The following AUTS2 variants were observed in gnomAD, a reference collection of about 807,000 sequenced individuals.
AUTS2 encodes autism susceptibility gene 2 protein.
A neutral mutation model predicts 112.4 loss-of-function variants in AUTS2; 17 were observed. The ratio of observed to expected loss-of-function variants is 0.15; its 90% confidence interval spans 0.10 to 0.23. The LOEUF (loss-of-function observed/expected upper bound fraction) is 0.23. AUTS2 is among the 10% of genes least tolerant of loss of function. AUTS2 has a pLI of 1.00. For missense variants in AUTS2, 1,510 were observed against 1,701.6 expected (o/e 0.89, Z 1.98); for synonymous variants, 751 against 702.7 (o/e 1.07, Z -1.09).
At chr7:70,067,758 C>T (rs1430221462) in intron 2 of AUTS2, among the ~76,000 whole-genome samples, 1 of 151,740 alleles carries the variant, frequency 6.6e-6, no homozygotes, top group South Asian at 2.1e-4. Context: ...AGGACTAAGG[C>T]AGGAGGATCA....
At chr7:70,779,460 G>T (rs1372317094) in intron 14 of AUTS2, among the ~76,000 whole-genome samples, 1 of 152,214 alleles carries the variant, frequency 6.6e-6, no homozygotes, top group Non-Finnish European at 1.5e-5. Context: ...GAAAGTGTGT[G>T]TGCCCTCTTA....
At chr7:70,391,122 G>A (rs1212723414) in intron 4 of AUTS2, among the ~76,000 whole-genome samples, 1 of 152,188 alleles carries the variant, frequency 6.6e-6, no homozygotes, top group East Asian at 1.9e-4. Context: ...CTGAATCTCT[G>A]GGGGTGAGGC....
At chr7:70,398,486 T>A (rs6965900) in intron 4 of AUTS2, among the ~76,000 whole-genome samples, 2 of 152,080 alleles carry the variant, frequency 1.3e-5, no homozygotes, top group African/African-American at 4.8e-5. Context: ...GTTTTTTATA[T>A]TTTTTGATGT....
chr7:70,007,199 T>C (rs73158396), intron 2 of AUTS2, among the ~76,000 whole-genome samples: 439 of 152,330 alleles, frequency 2.9e-3, no homozygotes, highest in Non-Finnish European at 4.9e-3. Context: ...TTAAGTTTTA[T>C]TACCTTTATT....
chr7:69,898,393 A>G (rs1162854505), intron 1 of AUTS2, among the ~76,000 whole-genome samples: 1 of 152,092 alleles, frequency 6.6e-6, no homozygotes, highest in Non-Finnish European at 1.5e-5. Flanking sequence ...ATTTGCATGT[A>G]TGTGGTTTGT....
At chr7:69,632,871 A>G (rs1009671252) in intron 1 of AUTS2, among the ~76,000 whole-genome samples, 3 of 152,110 alleles carry the variant, frequency 2.0e-5, no homozygotes, top group Non-Finnish European at 4.4e-5. Flanking sequence ...AATAAGTTTC[A>G]TTGTGTATTT....
intron 5 of AUTS2, among the ~76,000 whole-genome samples, chr7:70,641,087 T>C (rs1171562565): frequency 6.6e-6 from 1 of 152,036 alleles, no homozygotes; most frequent in Non-Finnish European, 1.5e-5. Context: ...GCTCCAGCCA[T>C]GCTGGTCCAT....
intron 4 of AUTS2, among the ~76,000 whole-genome samples, chr7:70,320,140 T>G (rs550262601): frequency 7.2e-5 from 11 of 152,346 alleles, no homozygotes; most frequent in South Asian, 4.1e-4. Context: ...ATATATGCAG[T>G]TAGTTAGAAA....
intron 6 of AUTS2, among the ~76,000 whole-genome samples, chr7:70,706,967 C>T (rs188265093): frequency 2.0e-5 from 3 of 152,304 alleles, no homozygotes; most frequent in East Asian, 1.9e-4. Context: ...GCTTTGAAGA[C>T]GCTTACTAGC....
intron 15 of AUTS2, chr7:70,783,564 C>T (rs1269770685): frequency 6.6e-6 from 1 of 152,212 alleles, no homozygotes; most frequent in Non-Finnish European, 1.5e-5. Flanking sequence ...GATTATGGAA[C>T]AGTTTTTAGT....
intron 4 of AUTS2, among the ~76,000 whole-genome samples, chr7:70,310,302 C>G (rs1424477129): frequency 6.6e-6 from 1 of 151,942 alleles, no homozygotes. Flanking sequence ...GTCTCTGCAC[C>G]TGTTCACTAA....
intron 4 of AUTS2, among the ~76,000 whole-genome samples, chr7:70,311,740 G>A (rs1011360788): frequency 2.0e-5 from 3 of 151,350 alleles, no homozygotes; most frequent in Non-Finnish European, 4.4e-5. Context: ...TTTTTGAGAC[G>A]GAGTCTCGCT....
chr7:69,751,558 G>A (rs1176943826), intron 1 of AUTS2, among the ~76,000 whole-genome samples: 2 of 152,154 alleles, frequency 1.3e-5, no homozygotes, highest in Admixed American at 6.5e-5. Context: ...GGTAAGAAGG[G>A]TAGATGAAAG....
intron 1 of AUTS2, among the ~76,000 whole-genome samples, chr7:69,878,649 C>G (rs1369144316): frequency 6.6e-6 from 1 of 152,226 alleles, no homozygotes; most frequent in African/African-American, 2.4e-5. Context: ...GGCAGAATTT[C>G]TTTCCTTGGA....
At position 70,264,386 on chromosome 7, in the gene AUTS2, T is replaced by G. The variant is rs373143734; in HGVS notation, c.660+129815T>G. Among the ~76,000 whole-genome samples the G allele has an allele frequency of 3.3e-5, 5 of 152,150 alleles. No individual in the cohort carries two copies. The South Asian group carries it at 8.3e-4, about 25-fold the overall frequency. On this transcript the variant is annotated intron_variant, in intron 4 of 18. Transcript: ENST00000342771. ...CTACACCCAGCTAGTTGTTGTATTT[T>G]TAGTAGAGAGAGGGTTTCACCATGT...
chr7:70,677,779 T>G (rs1807993541), intron 5 of AUTS2, among the ~76,000 whole-genome samples: 1 of 152,038 alleles, frequency 6.6e-6, no homozygotes, highest in Non-Finnish European at 1.5e-5. Flanking sequence ...CCTTATAAAA[T>G]TTTTATAATT....
chr7:69,600,530 C>G (rs1416661240), intron 1 of AUTS2, among the ~76,000 whole-genome samples: 1 of 136,940 alleles, frequency 7.3e-6, no homozygotes, highest in African/African-American at 2.8e-5. Flanking sequence ...CCATTACCCC[C>G]CCATATTCTT....
At chr7:69,732,737 T>C (rs1222500108) in intron 1 of AUTS2, among the ~76,000 whole-genome samples, 1 of 152,206 alleles carries the variant, frequency 6.6e-6, no homozygotes, top group Non-Finnish European at 1.5e-5. Flanking sequence ...CCTTTGTTCA[T>C]TTTAGAAAAT....
intron 5 of AUTS2, among the ~76,000 whole-genome samples, chr7:70,658,316 A>T (rs563184190): frequency 6.6e-6 from 1 of 152,316 alleles, no homozygotes; most frequent in African/African-American, 2.4e-5. Context: ...CTGTGCTAAC[A>T]GCAAAAGACC....
Sources: allele counts gnomAD v4.1 joint callset (sites outside exome capture counted in the v4.1 genomes callset), GRCh38; gene constraint gnomAD v4.1.1; transcripts MANE v1.5; gene names NCBI Gene and HGNC (gene_info 2026-07-23, HGNC 2026-07-21).